Variants in PRKCQ observed in about 807,000 individuals in gnomAD.
The protein encoded by PRKCQ is protein kinase C theta.
Under a neutral mutation model 91.2 loss-of-function variants are expected in PRKCQ, and 41 were observed. The observed-to-expected ratio is 0.45, with a 90% CI of 0.35 to 0.58. PRKCQ has a LOEUF of 0.58. PRKCQ is among the 20% of genes least tolerant of loss of function. The probability of loss-of-function intolerance (pLI) is 0.00; values close to 1 mark genes in which losing one functional copy is unlikely to be tolerated. For missense variants in PRKCQ, 673 were observed against 896.5 expected (o/e 0.75, Z 3.18); for synonymous variants, 307 against 316.9 (o/e 0.97, Z 0.33).
chr10:6,446,096 T>A (rs1273616236), intron 15 of PRKCQ, among the ~76,000 whole-genome samples: 1 of 152,148 alleles, frequency 6.6e-6, no homozygotes, highest in African/African-American at 2.4e-5. Context: ...TCAGGAATAC[T>A]GATATGTGTT....
intron 17 of PRKCQ, among the ~76,000 whole-genome samples, chr10:6,429,403 G>C (rs545683835): frequency 4.6e-5 from 7 of 152,280 alleles, no homozygotes; most frequent in African/African-American, 1.7e-4. Context: ...CTTGAGGCTG[G>C]CCTGTTGGGT....
At chr10:6,396,699 TG>T in the PRKCQ span, among the ~76,000 whole-genome samples, 1 of 152,254 alleles carries the variant, frequency 6.6e-6, no homozygotes, top group Non-Finnish European at 1.5e-5. Flanking sequence ...GATGCACATT[TG>T]GGTTGTTCAT....
rs140150098 is a variant in PRKCQ, at chr10:6,461,100, T to TATCCATCC, written c.1508+1195_1508+1202dup. Among the ~76,000 whole-genome samples, 852 of 150,072 alleles carry TATCCATCC rather than the reference T, an allele frequency of 5.7e-3. 9 individuals carry two copies. Among genetic ancestry groups the TATCCATCC allele is most frequent in the African/African-American group, 0.02 (805 of 40,700 alleles). On this transcript the variant is annotated intron_variant, in intron 14 of 17. Coordinates refer to ENST00000263125, the MANE Select transcript of PRKCQ (RefSeq NM_006257.5). ...ATTCATCCATCATTTATCCATCATTTATCCATCCATCCATCCATCCATCCA... is the reference window on the plus strand; with the variant it reads ...ATTCATCCATCATTTATCCATCATTTATCCATCCATCCATCCATCCATCCATCCATCCA...
At chr10:6,553,516 A>T (rs1233453515) in intron 1 of PRKCQ, among the ~76,000 whole-genome samples, 4 of 147,312 alleles carry the variant, frequency 2.7e-5, no homozygotes, top group African/African-American at 5.4e-5. Context: ...AAAAAAAAAA[A>T]ACAAACAAAC....
At chr10:6,513,315 T>C (rs1348620703) in intron 2 of PRKCQ, among the ~76,000 whole-genome samples, 1 of 151,948 alleles carries the variant, frequency 6.6e-6, no homozygotes, top group Non-Finnish European at 1.5e-5. Flanking sequence ...CAAAATAAAA[T>C]CAAAAGCAAA....
chr10:6,498,886 A>G (rs529538699), intron 4 of PRKCQ, among the ~76,000 whole-genome samples: 11 of 152,310 alleles, frequency 7.2e-5, no homozygotes, highest in Non-Finnish European at 1.5e-4. Flanking sequence ...GAAGGGATCT[A>G]TCAACCTCTC....
intron 11 of PRKCQ, among the ~76,000 whole-genome samples, chr10:6,480,251 CTAATT>C (rs1346702866): frequency 6.6e-6 from 1 of 152,156 alleles, no homozygotes; most frequent in East Asian, 1.9e-4. Context: ...ATTGTATTAT[CTAATT>C]TAATTCTTAG....
chr10:6,567,829 C>A (rs905227110), intron 1 of PRKCQ, among the ~76,000 whole-genome samples: 2 of 152,052 alleles, frequency 1.3e-5, no homozygotes, highest in Non-Finnish European at 2.9e-5. Context: ...GATAAACATT[C>A]TTTTTTTTGT....
the PRKCQ span, among the ~76,000 whole-genome samples, chr10:6,406,956 G>A: frequency 3.9e-5 from 6 of 152,170 alleles, no homozygotes; most frequent in African/African-American, 1.2e-4. Flanking sequence ...TGAAATGAAC[G>A]AATGCACTTC....
At chr10:6,508,916 C>T (rs186542522) in intron 3 of PRKCQ, among the ~76,000 whole-genome samples, 104 of 152,212 alleles carry the variant, frequency 6.8e-4, no homozygotes, top group African/African-American at 2.4e-3. Flanking sequence ...TCTCTCAATA[C>T]GGCGTTGAGA....
the PRKCQ span, among the ~76,000 whole-genome samples, chr10:6,401,528 A>AT: frequency 6.6e-6 from 1 of 151,076 alleles, no homozygotes; most frequent in Admixed American, 6.6e-5. Context: ...TTTTTTAAAT[A>AT]TTGATCCATT....
chr10:6,538,218 T>C (rs898132897), intron 1 of PRKCQ, among the ~76,000 whole-genome samples: 14 of 152,246 alleles, frequency 9.2e-5, no homozygotes, highest in South Asian at 2.1e-4. Flanking sequence ...CCAACTCCCA[T>C]TGCTGCCAGG....
Position 6,485,199 on chromosome 10 carries a change from A to T in PRKCQ, c.971T>A (p.Ile324Asn), listed in dbSNP as rs545042737. 2 of 1,613,962 alleles carry T rather than the reference A, an allele frequency of 1.2e-6. No individual in the cohort carries two copies. Among genetic ancestry groups the T allele is most frequent in the Admixed American group, 1.7e-5 (1 of 60,000 alleles). Reference sequence around the variant, plus strand: ...ACATGGCGGCCTTGCTTCATTTTTGATGGAGCATGGGAGACCAATTTCAAC... The same window carrying T: ...ACATGGCGGCCTTGCTTCATTTTTGTTGGAGCATGGGAGACCAATTTCAAC... The part of the protein sequence containing the change: ...GPVEIGLPCS[I>N]KNEARPPCLP... The change falls in exon 10 of 18, where the codon ATC becomes AAC. Residue 324 changes from isoleucine to asparagine, a missense_variant. Physicochemically the swap from Ile to Asn is moderately radical, Grantham distance 149. Coordinates refer to ENST00000263125, the MANE Select transcript of PRKCQ (RefSeq NM_006257.5).
chr10:6,445,987 T>G (rs548715160), intron 15 of PRKCQ, among the ~76,000 whole-genome samples: 2 of 152,300 alleles, frequency 1.3e-5, no homozygotes, highest in South Asian at 2.1e-4. Flanking sequence ...GTGGTGCAAA[T>G]TAAGGCTTCA....
rs571590473 is a variant in PRKCQ at position 6,430,670 on chromosome 10, G to A, written c.1965+140C>T. The A allele has an allele frequency of 4.7e-5, 59 of 1,260,250 alleles. No homozygotes were observed. The highest frequency in any genetic ancestry group is 4.4e-4 in the African/African-American group (29 of 66,594). 78.1% of individuals were successfully genotyped at this position (1,260,250 alleles called of 1,614,324 possible). A position where few individuals can be genotyped will look rare whatever the true frequency, so the allele number is the denominator to read the frequency against. On this transcript the variant is annotated intron_variant, in intron 17 of 17. Transcript: ENST00000263125. The surrounding 1 kb of genome is among the most constrained non-coding windows in gnomAD (Gnocchi z 4.7). ...CAGCCCAGTAACATGTGTTAGAGAC[G>A]TGCATTCCTCCTGGAGAGTGGGGCT...
chr10:6,451,133 C>G (rs1564307712), intron 15 of PRKCQ, among the ~76,000 whole-genome samples: 1 of 150,480 alleles, frequency 6.6e-6, no homozygotes, highest in Non-Finnish European at 1.5e-5. Context: ...TTAATGAATC[C>G]AGGAGCTGGT....
chr10:6,462,230 C>T (rs543759884), intron 14 of PRKCQ, 73 bp downstream of exon 14: 47 of 1,364,386 alleles, frequency 3.4e-5, no homozygotes, highest in South Asian at 1.1e-4. Flanking sequence ...TCACAGCACT[C>T]GGTGCAATGA....
intron 8 of PRKCQ, among the ~76,000 whole-genome samples, chr10:6,487,019 G>T (rs1013562088): frequency 2.0e-5 from 3 of 152,184 alleles, no homozygotes; most frequent in Non-Finnish European, 4.4e-5. Context: ...TCTACACACG[G>T]TGTGGAAACA....
chr10:6,455,456 G>A (rs936347219), intron 15 of PRKCQ, among the ~76,000 whole-genome samples: 7 of 152,210 alleles, frequency 4.6e-5, no homozygotes, highest in Non-Finnish European at 8.8e-5. Context: ...AAGCTACATA[G>A]TTCTAGGACT....
Sources: allele counts gnomAD v4.1 joint callset (sites outside exome capture counted in the v4.1 genomes callset), GRCh38; gene constraint gnomAD v4.1.1; non-coding constraint Gnocchi (gnomAD v3.1); transcripts MANE v1.5; gene names NCBI Gene and HGNC (gene_info 2026-07-23, HGNC 2026-07-21).